The following MUC5B variants were observed in gnomAD, a reference collection of about 807,000 sequenced individuals.
MUC5B encodes mucin 5B, oligomeric mucus/gel-forming.
Under a neutral mutation model 376.9 loss-of-function variants are expected in MUC5B, and 116 were observed. The observed-to-expected ratio is 0.31, with a 90% CI of 0.26 to 0.36. MUC5B has a LOEUF of 0.36. Among genes scored for constraint, MUC5B ranks in the 10% least tolerant of loss-of-function variants. The probability of loss-of-function intolerance (pLI) is 1.00; values close to 1 mark genes in which losing one functional copy is unlikely to be tolerated. For synonymous variants in MUC5B, 3,517 were observed against 3,390.9 expected, an observed-to-expected ratio of 1.04 and a Z score of -1.29; for missense variants, 7,165 against 7,769.9, an observed-to-expected ratio of 0.92 and a Z score of 2.93.
rs1158150252 is a variant in MUC5B, at chr11:1,249,096, C to T, written c.12216C>T (p.Ser4072=). ...STPALSSPHP[S]SRTTESPPSP... is the part of the protein sequence containing the mutation. ...CAGCCCTGTCCAGCCCTCACCCTAG[C>T]AGCAGGACCACCGAGTCACCCCCTT... is the stretch of plus-strand genomic sequence containing the variant. The change falls in exon 31 of 49, where the codon AGC becomes AGT. Residue 4072 remains serine, a synonymous_variant. Coordinates refer to ENST00000529681, the MANE Select transcript of MUC5B (RefSeq NM_002458.3). 3 of 1,610,728 alleles carry T rather than the reference C, an allele frequency of 1.9e-6. No homozygotes were observed. Among genetic ancestry groups the T allele is most frequent in the African/African-American group, 2.7e-5 (2 of 74,536 alleles).
At position 1,250,924 on chromosome 11, in the gene MUC5B, A is replaced by C. The variant is rs1450259518; in HGVS notation, c.14044A>C (p.Thr4682Pro). 1 of 1,596,748 alleles carries C rather than the reference A, an allele frequency of 6.3e-7. No individual in the cohort carries two copies. Among genetic ancestry groups the C allele is most frequent in the Non-Finnish European group, 8.5e-7 (1 of 1,171,764 alleles). Residue 4682 changes from threonine to proline, a missense_variant, in exon 31 of 49, where the codon ACC becomes CCC. By Grantham distance (38) the Thr-to-Pro change is conservative (BLOSUM62 -1). Coordinates refer to ENST00000529681, the MANE Select transcript of MUC5B (RefSeq NM_002458.3). The stretch of plus-strand genomic sequence containing the variant: ...CAGTGGTACTCCCCCATCACTGACC[A>C]CCACGGCCACTACGATCACGGCCAC... ...QTSGTPPSLT[T>P]TATTITATGS...
chr11:1,225,046 C>G (rs552824520), intron 1 of MUC5B, among the ~76,000 whole-genome samples: 2 of 152,154 alleles, frequency 1.3e-5, no homozygotes, highest in African/African-American at 2.4e-5. Flanking sequence ...AGGCCTTGCC[C>G]GGAGGCGGTG....
chr11:1,250,022 C>A lies in MUC5B; in HGVS notation c.13142C>A (p.Thr4381Asn), dbSNP rs1346638309. Residue 4381 changes from threonine (T) to asparagine (N), a missense_variant, in exon 31 of 49, where the codon ACC (threonine) becomes AAC (asparagine). Coordinates refer to ENST00000529681, the MANE Select transcript of MUC5B (RefSeq NM_002458.3). ...TTTRATSSTSTPSSTPGTTWI... is the reference protein window; with the variant it reads ...TTTRATSSTSNPSSTPGTTWI... ...ACAAGGGCCACCAGTTCCACGTCCA[C>A]CCCCTCCTCCACTCCGGGGACGACC... 5.0e-6 allele frequency: 8 copies of A among 1,611,610 alleles called. No individual in the cohort carries two copies. Among genetic ancestry groups the A allele is most frequent in the Admixed American group, 1.7e-5 (1 of 59,840 alleles).
chr11:1,261,979 G>T lies in MUC5B; in HGVS notation c.*371G>T, dbSNP rs1407484154. On this transcript the variant is annotated 3_prime_UTR_variant, in exon 49 of 49. Transcript: ENST00000529681. ...CCAGCTGGCCACGTCCGGCCGCTGG[G>T]GCAGACAGGCTGGTCCAGGCAAGGC... 2.0e-6 allele frequency: 1 copy of T among 494,254 alleles called. No homozygotes were observed. 30.6% of individuals were successfully genotyped at this position (494,254 alleles called of 1,614,324 possible).
chr11:1,232,328 C>T lies in MUC5B; in HGVS notation c.1844-122C>T, dbSNP rs180683002. ...GCCAGGCGGCCAGAACCCCCCAAGGCGCAGCAGGTGAGCCGCAAATTCCAA... is the reference window on the plus strand; with the variant it reads ...GCCAGGCGGCCAGAACCCCCCAAGGTGCAGCAGGTGAGCCGCAAATTCCAA... On this transcript the variant is annotated intron_variant, in intron 15 of 48. Coordinates refer to ENST00000529681, the MANE Select transcript of MUC5B (RefSeq NM_002458.3). 1.1e-3 allele frequency: 1,484 copies of T among 1,351,698 alleles called. 1 individual carries two copies. Among genetic ancestry groups the T allele is most frequent in the Middle Eastern group, 1.6e-3 (8 of 5,064 alleles). The allele number at this position is 1,351,698 out of a possible 1,614,324, so 83.7% of individuals were successfully genotyped here.
intron 2 of MUC5B, 139 bp downstream of exon 2, chr11:1,225,876 C>A: frequency 1.2e-6 from 1 of 805,188 alleles, no homozygotes; most frequent in Non-Finnish European, 2.0e-6. Flanking sequence ...CAGGACAATA[C>A]CCAGCACCCG....
At position 1,240,945 on chromosome 11, in the gene MUC5B, C is replaced by T. The variant is rs772157360; in HGVS notation, c.4065C>T (p.Gly1355=). ...NGHRPEPGLG[G]GDFETFENLR... ...ACCGCCCAGAGCCCGGCCTGGGAGGCGGAGACTTTGAGACGTTTGAAAACC... is the reference window on the plus strand; with the variant it reads ...ACCGCCCAGAGCCCGGCCTGGGAGGTGGAGACTTTGAGACGTTTGAAAACC... Residue 1355 remains glycine, a synonymous_variant, in exon 31 of 49, where the codon GGC becomes GGT. Coordinates refer to ENST00000529681, the MANE Select transcript of MUC5B (RefSeq NM_002458.3). 1.2e-5 allele frequency: 20 copies of T among 1,613,132 alleles called. No individual in the cohort carries two copies. Among genetic ancestry groups the T allele is most frequent in the Non-Finnish European group, 1.6e-5 (19 of 1,179,844 alleles).
Position 1,234,382 on chromosome 11 carries a change from T to C in MUC5B, c.2478+77T>C, listed in dbSNP as rs1862109183. ...CCAGCTCCCGAGCCCAGGGATCTGG[T>C]GGTCCTGGAGACACTTACCCACCTG... On this transcript the variant is annotated intron_variant, in intron 20 of 48. Coordinates refer to ENST00000529681, the MANE Select transcript of MUC5B (RefSeq NM_002458.3). This position sits in a 1 kb window ranked among gnomAD's most constrained non-coding sequence, Gnocchi z 6.3. 3.3e-6 allele frequency: 5 copies of C among 1,506,302 alleles called. No individual in the cohort carries two copies. Among genetic ancestry groups the C allele is most frequent in the Admixed American group, 2.0e-5 (1 of 50,868 alleles). The allele number at this position is 1,506,302 out of a possible 1,614,324, so 93.3% of individuals were successfully genotyped here. A position where few individuals can be genotyped will look rare whatever the true frequency, so the allele number is the denominator to read the frequency against.
In MUC5B at chr11:1,239,706, T is replaced by TG. The variant is rs1862235105; in HGVS notation, c.3584-91dup. The TG allele has an allele frequency of 2.0e-6, 3 of 1,494,794 alleles. No homozygotes were observed. In the South Asian group the frequency reaches 4.0e-5, roughly 20 times the overall value. 92.6% of individuals were successfully genotyped at this position (1,494,794 alleles called of 1,614,324 possible). Reference sequence around the variant, plus strand: ...GCCTTGAGGGCAGGCCCCTGCTGGCTGGTGGGGGGCGGCTACTCCCTGCAG... The same window carrying TG: ...GCCTTGAGGGCAGGCCCCTGCTGGCTGGGTGGGGGGCGGCTACTCCCTGCAG... On this transcript the variant is annotated intron_variant, in intron 27 of 48. Coordinates refer to ENST00000529681, the MANE Select transcript of MUC5B (RefSeq NM_002458.3).
rs199809324 is a variant in MUC5B, at chr11:1,250,176, G to A, written c.13296G>A (p.Ala4432=). The change falls in exon 31 of 49, where the codon GCG becomes GCA. Residue 4432 remains alanine, a synonymous_variant. Coordinates refer to ENST00000529681, the MANE Select transcript of MUC5B (RefSeq NM_002458.3). The stretch of plus-strand genomic sequence containing the variant: ...TGACCACAACAGCCACTACGACTGC[G>A]TCCACTGGATCCACGGCCACCCCGT... ...TELTTTATTT[A]STGSTATPSS... 4.8e-4 allele frequency: 764 copies of A among 1,585,432 alleles called. 9 individuals are homozygous for A. The highest frequency in any genetic ancestry group is 3.9e-4 in the African/African-American group (29 of 73,582).
In MUC5B at chr11:1,261,384, C is replaced by T. The variant is rs1862991197; in HGVS notation, c.17070-5C>T. 1 of 1,544,298 alleles carries T rather than the reference C, an allele frequency of 6.5e-7. No individual in the cohort carries two copies. Among genetic ancestry groups the T allele is most frequent in the Non-Finnish European group, 8.7e-7 (1 of 1,146,566 alleles). Reference sequence around the variant, plus strand: ...GCTGATGTGAGGGCCACCCTGCGTCCACAGGTACTCAGCAGAGGCCCAGGC... The same window carrying T: ...GCTGATGTGAGGGCCACCCTGCGTCTACAGGTACTCAGCAGAGGCCCAGGC... On this transcript the variant is annotated splice_region_variant and splice_polypyrimidine_tract_variant and intron_variant, in intron 48 of 48. Transcript: ENST00000529681.
At position 1,244,775 on chromosome 11, in the gene MUC5B, T is replaced by C; in HGVS notation, c.7895T>C (p.Val2632Ala). 3.7e-6 allele frequency: 6 copies of C among 1,612,212 alleles called. No homozygotes were observed. Among genetic ancestry groups the C allele is most frequent in the Non-Finnish European group, 5.1e-6 (6 of 1,178,936 alleles). ...SSPGTARTLP[V>A]WISTTTTPTT... is the part of the protein sequence containing the mutation. ...CCAGGGACGGCACGCACGCTTCCAG[T>C]GTGGATCAGCACAACCACCACACCC... Residue 2632 changes from valine (V) to alanine (A), a missense_variant, in exon 31 of 49, where the codon GTG becomes GCG. Coordinates refer to ENST00000529681, the MANE Select transcript of MUC5B (RefSeq NM_002458.3).
Position 1,261,930 on chromosome 11 carries a change from C to T in MUC5B, c.*322C>T, listed in dbSNP as rs565710572. 26 of 556,894 alleles carry T rather than the reference C, an allele frequency of 4.7e-5. No homozygotes were observed. Among genetic ancestry groups the T allele is most frequent in the South Asian group, 2.6e-4 (17 of 65,346 alleles). The allele number at this position is 556,894 out of a possible 1,614,324, so 34.5% of individuals were successfully genotyped here. A position where few individuals can be genotyped will look rare whatever the true frequency, so the allele number is the denominator to read the frequency against. ...CGGGCCTATGTGTCCCTGCCACGGCCGGAGCGCCCGCGCAGCACGGATTCC... is the reference window on the plus strand; with the variant it reads ...CGGGCCTATGTGTCCCTGCCACGGCTGGAGCGCCCGCGCAGCACGGATTCC... On this transcript the variant is annotated 3_prime_UTR_variant, in exon 49 of 49. Coordinates refer to ENST00000529681, the MANE Select transcript of MUC5B (RefSeq NM_002458.3).
At position 1,229,289 on chromosome 11, in the gene MUC5B, C is replaced by T. The variant is rs552820596; in HGVS notation, c.1096C>T (p.Pro366Ser). 3.8e-6 allele frequency: 6 copies of T among 1,573,988 alleles called. No homozygotes were observed. In the South Asian group the frequency reaches 5.8e-5, roughly 15 times the overall value. ...EDHCVDGCFCPPGTVLDDITH... is the reference protein window; with the variant it reads ...EDHCVDGCFCSPGTVLDDITH... ...CCACTGTGTGGACGGCTGCTTCTGCCCCCCAGGCAGGTCTTGTGTGCCCTG... is the reference window on the plus strand; with the variant it reads ...CCACTGTGTGGACGGCTGCTTCTGCTCCCCAGGCAGGTCTTGTGTGCCCTG... Residue 366 changes from proline to serine, a missense_variant, in exon 9 of 49, where the codon CCC (proline) becomes TCC (serine). This residue lies in a region of MUC5B where 640 missense variants were observed against 733.0 expected (regional missense o/e 0.87). Coordinates refer to ENST00000529681, the MANE Select transcript of MUC5B (RefSeq NM_002458.3).
In MUC5B at chr11:1,241,720, A is replaced by C. The variant is rs951698238; in HGVS notation, c.4840A>C (p.Thr1614Pro). The C allele has an allele frequency of 6.2e-7, 1 of 1,612,436 alleles. No individual in the cohort carries two copies. Among genetic ancestry groups the C allele is most frequent in the Non-Finnish European group, 8.5e-7 (1 of 1,179,656 alleles). Residue 1614 changes from threonine (T) to proline (P), a missense_variant, in exon 31 of 49, where the codon ACA (threonine) becomes CCA (proline). Thr to Pro is a conservative substitution (Grantham distance 38). This residue lies in a region of MUC5B where 897 missense variants were observed against 779.6 expected (regional missense o/e 1.15). Coordinates refer to ENST00000529681, the MANE Select transcript of MUC5B (RefSeq NM_002458.3). The stretch of plus-strand genomic sequence containing the variant: ...ACGTGCCACAACCCCGCCACCGACC[A>C]CAGAGCTGGAGACGGCCACCACCAC... The part of the protein sequence containing the change: ...RGRATTPPPT[T>P]ELETATTTTT...
chr11:1,253,080 G>T lies in MUC5B; in HGVS notation c.15217+100G>T, dbSNP rs1862748135. ...ATGGGGCATGGTGGGGCACAGTGGG[G>T]TGCAGTGGGGAATGGTGGGGCATGG... is the stretch of plus-strand genomic sequence containing the variant. On this transcript the variant is annotated intron_variant, in intron 33 of 48. Coordinates refer to ENST00000529681, the MANE Select transcript of MUC5B (RefSeq NM_002458.3). The surrounding 1 kb of genome is among the most constrained non-coding windows in gnomAD (Gnocchi z 4.3). The T allele has an allele frequency of 2.2e-6, 3 of 1,356,212 alleles. No homozygotes were observed. Among genetic ancestry groups the T allele is most frequent in the African/African-American group, 2.9e-5 (2 of 69,484 alleles). The allele number at this position is 1,356,212 out of a possible 1,614,324, so 84.0% of individuals were successfully genotyped here.
At position 1,250,749 on chromosome 11, in the gene MUC5B, C is replaced by G; in HGVS notation, c.13869C>G (p.Thr4623=). 2 of 1,600,166 alleles carry G rather than the reference C, an allele frequency of 1.2e-6. No individual in the cohort carries two copies. The highest frequency in any genetic ancestry group is 1.7e-6 in the Non-Finnish European group (2 of 1,170,554). The change falls in exon 31 of 49, where the codon ACC becomes ACG. Residue 4623 remains threonine (T), a synonymous_variant. Coordinates refer to ENST00000529681, the MANE Select transcript of MUC5B (RefSeq NM_002458.3). ...CTCCAGTGTGGATCAGCACAACCACCACACCCACAACCACCACACCCACAA... is the reference window on the plus strand; with the variant it reads ...CTCCAGTGTGGATCAGCACAACCACGACACCCACAACCACCACACCCACAA... ...LTPPVWISTT[T]TPTTTTPTTS... is the part of the protein sequence containing the mutation.
Position 1,226,965 on chromosome 11 carries a change from G to C in MUC5B, c.462-66G>C, listed in dbSNP as rs1209317747. 1.6e-5 allele frequency: 25 copies of C among 1,570,260 alleles called. 1 individual carries two copies. The highest frequency in any genetic ancestry group is 6.9e-5 in the South Asian group (6 of 86,412). ...CATGTCTGACCTGGGCCAGGGCTGG[G>C]GGGGGGTTGGGTGGGCAGGCAGCCA... On this transcript the variant is annotated intron_variant, in intron 4 of 48. Transcript: ENST00000529681.
In MUC5B at chr11:1,239,808, C is replaced by T. The variant is rs780660092; in HGVS notation, c.3593C>T (p.Pro1198Leu). 13 of 1,610,710 alleles carry T rather than the reference C, an allele frequency of 8.1e-6. No individual in the cohort carries two copies. Among genetic ancestry groups the T allele is most frequent in the Admixed American group, 5.0e-5 (3 of 59,712 alleles). ...ACCCTGCCGGCCCTAGGCTGCTACC[C>T]GAAGTGCCCACCCAGCCAGCCCTTC... ...VDLPGLEGCY[P>L]KCPPSQPFFN... The change falls in exon 28 of 49, where the codon CCG (proline) becomes CTG (leucine). Residue 1198 changes from proline (P) to leucine (L), a missense_variant. Pro to Leu is a moderately conservative substitution (Grantham distance 98). Around this residue, in one of 31 missense-constraint regions of MUC5B, gnomAD observed 517 missense variants for 545.3 expected, o/e 0.95. Coordinates refer to ENST00000529681, the MANE Select transcript of MUC5B (RefSeq NM_002458.3).
Sources: allele counts gnomAD v4.1 joint callset (sites outside exome capture counted in the v4.1 genomes callset), GRCh38; gene constraint gnomAD v4.1.1; regional missense constraint gnomAD v4.1.1; non-coding constraint Gnocchi (gnomAD v3.1); transcripts MANE v1.5; gene names NCBI Gene and HGNC (gene_info 2026-07-23, HGNC 2026-07-21).